The following RTN1 variants were observed in gnomAD, a reference collection of about 807,000 sequenced individuals.
RTN1 encodes the protein reticulon-1.
Under a neutral mutation model 65.5 loss-of-function variants are expected in RTN1, and 25 were observed. That is an observed-to-expected ratio of 0.38 (90% CI 0.28 to 0.53). The LOEUF (loss-of-function observed/expected upper bound fraction) is 0.53. Among genes scored for constraint, RTN1 ranks in the 20% least tolerant of loss-of-function variants. The pLI, the probability that RTN1 is intolerant of heterozygous loss-of-function variation, is 0.79. For missense variants in RTN1, 983 were observed against 1,025.4 expected (o/e 0.96, Z 0.57); for synonymous variants, 471 against 447.6 (o/e 1.05, Z -0.66).
rs925200240 is a variant in RTN1, at chr14:59,794,810, G to A, written c.242-48329C>T. On this transcript the variant is annotated intron_variant, in intron 1 of 8. Transcript: ENST00000267484. The surrounding 1 kb of genome is among the most constrained non-coding windows in gnomAD (Gnocchi z 5.1). ...TTGTAGTCATAGTCTATTGACCAGAGGATGGTTATATGGCCATATTTAACT... is the reference window on the plus strand; with the variant it reads ...TTGTAGTCATAGTCTATTGACCAGAAGATGGTTATATGGCCATATTTAACT... 1.3e-4 allele frequency among the ~76,000 whole-genome samples: 20 copies of A among 152,156 alleles called. No individual in the cohort carries two copies. The highest frequency in any genetic ancestry group is 8.5e-4 in the Admixed American group (13 of 15,266).
chr14:59,854,959 T>C (rs929156025), intron 1 of RTN1, among the ~76,000 whole-genome samples: 2 of 152,362 alleles, frequency 1.3e-5, no homozygotes, highest in South Asian at 2.1e-4. Context: ...TATGTGTGCA[T>C]ATAAGTACAG....
Position 59,862,555 on chromosome 14 carries a change from A to G in RTN1, c.241+7835T>C, listed in dbSNP as rs375998454. Among the ~76,000 whole-genome samples, 33 of 152,120 alleles carry G rather than the reference A, an allele frequency of 2.2e-4. 1 individual carries two copies. In the East Asian group the frequency reaches 2.9e-3, roughly 13 times the overall value. ...GCAACCCTGCCAGCATATACAATCC[A>G]CTGCTTATGTCATCTTTTTACTATG... On this transcript the variant is annotated intron_variant, in intron 1 of 8. Coordinates refer to ENST00000267484, the MANE Select transcript of RTN1 (RefSeq NM_021136.3).
chr14:59,828,058 T>C (rs1370188904), intron 1 of RTN1, among the ~76,000 whole-genome samples: 1 of 152,194 alleles, frequency 6.6e-6, no homozygotes, highest in African/African-American at 2.4e-5. Context: ...GTGAGGCTTG[T>C]TTACTTTTAT....
intron 6 of RTN1, 46 bp from the exon 7 acceptor site, chr14:59,603,304 A>G: frequency 6.9e-7 from 1 of 1,455,150 alleles, no homozygotes; most frequent in South Asian, 1.2e-5. Context: ...AGTTATCAAT[A>G]AGAATACGCT....
At chr14:59,629,927 G>A (rs554201472) in intron 3 of RTN1, among the ~76,000 whole-genome samples, 1 of 152,266 alleles carries the variant, frequency 6.6e-6, no homozygotes, top group South Asian at 2.1e-4. Flanking sequence ...ATATTTTCAG[G>A]ATTTCGAGAG....
At chr14:59,644,818 T>C (rs1271810342) in intron 3 of RTN1, among the ~76,000 whole-genome samples, 1 of 152,020 alleles carries the variant, frequency 6.6e-6, no homozygotes, top group East Asian at 1.9e-4. Flanking sequence ...TACAGAAAAG[T>C]GGCCAGACTG....
At chr14:59,708,951 G>A (rs1884357652) in intron 3 of RTN1, among the ~76,000 whole-genome samples, 1 of 152,194 alleles carries the variant, frequency 6.6e-6, no homozygotes. Context: ...TATAGTTAAT[G>A]TAGTGGAAAA....
At chr14:59,659,499 G>A (rs1883197051) in intron 3 of RTN1, among the ~76,000 whole-genome samples, 1 of 152,200 alleles carries the variant, frequency 6.6e-6, no homozygotes, top group African/African-American at 2.4e-5. Flanking sequence ...AGAAAAGTCG[G>A]GTTACCCAGA....
At chr14:59,735,464 C>T (rs117076252) in intron 2 of RTN1, among the ~76,000 whole-genome samples, 2,675 of 152,172 alleles carry the variant, frequency 0.018, 44 homozygotes, top group Non-Finnish European at 0.031. Context: ...AGAACCAAGA[C>T]CCATTAGTAT....
intron 1 of RTN1, among the ~76,000 whole-genome samples, chr14:59,861,303 C>T (rs1033984954): frequency 1.1e-4 from 17 of 152,336 alleles, no homozygotes; most frequent in Non-Finnish European, 1.8e-4. Flanking sequence ...TGCCCAATCT[C>T]TCTCTTTGCC....
rs1340198641 is a variant in RTN1, at chr14:59,747,600, C to G, written c.242-1119G>C. Among the ~76,000 whole-genome samples the G allele has an allele frequency of 3.3e-5, 5 of 152,108 alleles. No individual in the cohort carries two copies. The East Asian group carries it at 7.7e-4, about 24-fold the overall frequency. On this transcript the variant is annotated intron_variant, in intron 1 of 8. Coordinates refer to ENST00000267484, the MANE Select transcript of RTN1 (RefSeq NM_021136.3). Reference sequence around the variant, plus strand: ...CAGCCTGGGCAACAAGAGCAAAACTCCATCTCAAAAAAAACAAAAAAATAG... The same window carrying G: ...CAGCCTGGGCAACAAGAGCAAAACTGCATCTCAAAAAAAACAAAAAAATAG...
chr14:59,655,815 T>C (rs895014309), intron 3 of RTN1, among the ~76,000 whole-genome samples: 3 of 152,298 alleles, frequency 2.0e-5, no homozygotes, highest in Non-Finnish European at 4.4e-5. Context: ...ACCTCTGCCT[T>C]ACACCATACA....
intron 1 of RTN1, among the ~76,000 whole-genome samples, chr14:59,772,833 G>A (rs1022997491): frequency 1.3e-5 from 2 of 151,984 alleles, no homozygotes; most frequent in Admixed American, 6.6e-5. Flanking sequence ...CCATTTTAGA[G>A]GTGGGAAATT....
At chr14:59,688,793 T>C (rs749733150) in intron 3 of RTN1, among the ~76,000 whole-genome samples, 14 of 151,690 alleles carry the variant, frequency 9.2e-5, no homozygotes, top group Admixed American at 3.3e-4. Context: ...ACAATAATAT[T>C]ATAGGGAAAG....
rs1885528982 is a variant in RTN1 at position 59,751,847 on chromosome 14, C to T, written c.242-5366G>A. 2.0e-5 allele frequency among the ~76,000 whole-genome samples: 3 copies of T among 152,292 alleles called. No homozygotes were observed. The South Asian group carries it at 6.2e-4, about 32-fold the overall frequency. ...AGCCCCTGGGCTCTGCACTGCCTTGCTGGATAATCCTTAAACTCTGTAGCC... is the reference window on the plus strand; with the variant it reads ...AGCCCCTGGGCTCTGCACTGCCTTGTTGGATAATCCTTAAACTCTGTAGCC... On this transcript the variant is annotated intron_variant, in intron 1 of 8. Transcript: ENST00000267484.
chr14:59,749,230 ATATATATCTATATATATCTATATATC>A lies in RTN1; in HGVS notation c.242-2775_242-2750del, dbSNP rs1566711205. On this transcript the variant is annotated intron_variant, in intron 1 of 8. Transcript: ENST00000267484. ...TATATCTATATATATCTATATATCTATATATATCTATATATATCTATATATCTATATATATCTATATATATATCTAT... is the reference window on the plus strand; with the variant it reads ...TATATCTATATATATCTATATATCTATATATATATCTATATATATATCTAT... Among the ~76,000 whole-genome samples the A allele has an allele frequency of 8.5e-5, 4 of 46,990 alleles. 1 individual carries two copies. Among genetic ancestry groups the A allele is most frequent in the African/African-American group, 5.8e-4 (4 of 6,954 alleles). The allele number at this position is 46,990 out of a possible 152,430, so 30.8% of individuals were successfully genotyped here. A position where few individuals can be genotyped will look rare whatever the true frequency, so the allele number is the denominator to read the frequency against.
At chr14:59,681,870 A>G (rs867175069) in intron 3 of RTN1, among the ~76,000 whole-genome samples, 1 of 151,874 alleles carries the variant, frequency 6.6e-6, no homozygotes. Context: ...TACTTTCCAA[A>G]TCTCTCCCAA....
intron 3 of RTN1, among the ~76,000 whole-genome samples, chr14:59,712,911 TCA>T (rs1491547731): frequency 7.3e-5 from 6 of 82,582 alleles, no homozygotes; most frequent in Admixed American, 7.2e-4. Context: ...AAACTCCATC[TCA>T]AAAAAAAAAA....
chr14:59,613,816 A>T (rs1025049021), intron 3 of RTN1, among the ~76,000 whole-genome samples: 2 of 151,714 alleles, frequency 1.3e-5, no homozygotes, highest in African/African-American at 4.8e-5. Context: ...GAAAAAAAAA[A>T]CCCTCTGATT....
Sources: allele counts gnomAD v4.1 joint callset (sites outside exome capture counted in the v4.1 genomes callset), GRCh38; gene constraint gnomAD v4.1.1; non-coding constraint Gnocchi (gnomAD v3.1); transcripts MANE v1.5; gene names NCBI Gene and HGNC (gene_info 2026-07-23, HGNC 2026-07-21).